Variants in RABEP1 observed in about 807,000 individuals in gnomAD.
The protein encoded by RABEP1 is rab GTPase-binding effector protein 1.
Under a neutral mutation model 123.4 loss-of-function variants are expected in RABEP1, and 51 were observed. That is an observed-to-expected ratio of 0.41 (90% CI 0.33 to 0.52). RABEP1 has a LOEUF of 0.52. RABEP1 is among the 20% of genes least tolerant of loss of function. The probability of loss-of-function intolerance (pLI) is 0.16; values close to 1 mark genes in which losing one functional copy is unlikely to be tolerated. For missense variants in RABEP1, 888 were observed against 996.3 expected (o/e 0.89, Z 1.46); for synonymous variants, 347 against 355.2 (o/e 0.98, Z 0.26).
intron 1 of RABEP1, among the ~76,000 whole-genome samples, chr17:5,293,434 G>A (rs191750144): frequency 6.6e-6 from 1 of 152,028 alleles, no homozygotes; most frequent in Admixed American, 6.6e-5. Context: ...GGCTTTTGGG[G>A]TAATTTATTT....
At chr17:5,293,579 G>A (rs769055075) in intron 1 of RABEP1, among the ~76,000 whole-genome samples, 1 of 151,996 alleles carries the variant, frequency 6.6e-6, no homozygotes, top group Non-Finnish European at 1.5e-5. Flanking sequence ...GGTAATTTTT[G>A]TATTTTTTGT....
chr17:5,376,083 C>A (rs1055299493), intron 13 of RABEP1, among the ~76,000 whole-genome samples: 1 of 152,112 alleles, frequency 6.6e-6, no homozygotes, highest in African/African-American at 2.4e-5. Flanking sequence ...TCAAGGAATC[C>A]GCCTTCCTCG....
intron 8 of RABEP1, 84 bp downstream of exon 8, chr17:5,354,574 C>A: frequency 7.6e-7 from 1 of 1,312,614 alleles, no homozygotes; most frequent in South Asian, 1.6e-5. Flanking sequence ...TTACATTGTT[C>A]ATATGAGAAG....
chr17:5,299,891 G>A (rs1227346500), intron 1 of RABEP1, among the ~76,000 whole-genome samples: 12 of 151,320 alleles, frequency 7.9e-5, no homozygotes, highest in East Asian at 5.8e-4. Context: ...CACCATGCCC[G>A]GCTAATTTTT....
intron 1 of RABEP1, among the ~76,000 whole-genome samples, chr17:5,305,165 C>T (rs111503106): frequency 6.6e-6 from 1 of 152,068 alleles, no homozygotes; most frequent in African/African-American, 2.4e-5. Context: ...GAGAGTGAAT[C>T]GATTTGTCTC....
chr17:5,372,368 C>T (rs117300640), intron 12 of RABEP1, among the ~76,000 whole-genome samples: 7,011 of 152,110 alleles, frequency 0.046, 234 homozygotes, highest in South Asian at 0.083. Context: ...TCACTTGAAC[C>T]GGGACTCGGG....
At chr17:5,382,954 AC>A (rs1266417054) in intron 17 of RABEP1, among the ~76,000 whole-genome samples, 167 bp from the exon 18 acceptor site, 1 of 151,980 alleles carries the variant, frequency 6.6e-6, no homozygotes, top group East Asian at 1.9e-4. Flanking sequence ...AGTCCGTTAC[AC>A]GGTAGCTTTG....
intron 11 of RABEP1, among the ~76,000 whole-genome samples, 195 bp from the exon 12 acceptor site, chr17:5,368,175 G>C (rs1044133517): frequency 7.9e-5 from 12 of 152,032 alleles, no homozygotes; most frequent in Non-Finnish European, 1.5e-5. Flanking sequence ...CTCGGGTTTT[G>C]GCACTGCCTT....
At chr17:5,283,398 A>G (rs2074947798) in intron 1 of RABEP1, among the ~76,000 whole-genome samples, 1 of 152,170 alleles carries the variant, frequency 6.6e-6, no homozygotes, top group African/African-American at 2.4e-5. Flanking sequence ...TGGTTGTCAG[A>G]GCCCTTCGTG....
At chr17:5,318,391 AGTT>A (rs769500396) in intron 2 of RABEP1, among the ~76,000 whole-genome samples, 15 of 152,194 alleles carry the variant, frequency 9.9e-5, no homozygotes, top group Non-Finnish European at 2.2e-4. Context: ...ATCTCAATGA[AGTT>A]GTTACAAAAA....
At chr17:5,341,677 G>A (rs1373453965) in intron 5 of RABEP1, among the ~76,000 whole-genome samples, 2 of 152,200 alleles carry the variant, frequency 1.3e-5, no homozygotes, top group Non-Finnish European at 2.9e-5. Flanking sequence ...TTATAGATCT[G>A]TCTCAGGAAT....
In RABEP1 at chr17:5,372,841, C is replaced by T. The variant is rs141033021; in HGVS notation, c.1885-473C>T. Among the ~76,000 whole-genome samples, 1,504 of 152,202 alleles carry T rather than the reference C, an allele frequency of 9.9e-3. 4 individuals carry two copies. Among genetic ancestry groups the T allele is most frequent in the Middle Eastern group, 0.017 (5 of 294 alleles). On this transcript the variant is annotated intron_variant, in intron 12 of 17. Transcript: ENST00000537505. The stretch of plus-strand genomic sequence containing the variant: ...TGCAATCTCGGCTCACTGCAACCTC[C>T]GCCTCCTGGGTTCAAGCGATTCTCC...
intron 11 of RABEP1, among the ~76,000 whole-genome samples, chr17:5,366,919 G>A (rs1910044439): frequency 1.3e-5 from 2 of 151,326 alleles, no homozygotes; most frequent in South Asian, 4.2e-4. Flanking sequence ...GAGAAACCCT[G>A]TCTCTACTAA....
intron 3 of RABEP1, among the ~76,000 whole-genome samples, chr17:5,334,493 A>C (rs1353378568): frequency 6.6e-6 from 1 of 151,994 alleles, no homozygotes; most frequent in African/African-American, 2.4e-5. Flanking sequence ...CGGCCTCCCA[A>C]AGTGCTGGGA....
chr17:5,359,104 C>T (rs553849314), intron 8 of RABEP1, among the ~76,000 whole-genome samples: 11 of 148,218 alleles, frequency 7.4e-5, no homozygotes, highest in East Asian at 4.0e-4. Flanking sequence ...GACGGAGTCT[C>T]GCTCTGTTGC....
intron 1 of RABEP1, among the ~76,000 whole-genome samples, chr17:5,304,254 C>T (rs1482707927): frequency 6.6e-6 from 1 of 151,858 alleles, no homozygotes; most frequent in Non-Finnish European, 1.5e-5. Context: ...GTGACATAGT[C>T]ATTTTTCCCT....
chr17:5,328,971 G>A (rs1906248135), intron 2 of RABEP1, among the ~76,000 whole-genome samples: 1 of 145,106 alleles, frequency 6.9e-6, no homozygotes. Flanking sequence ...ACCAAATGAA[G>A]TACTTGAATC....
At chr17:5,292,187 G>A (rs1005285010) in intron 1 of RABEP1, among the ~76,000 whole-genome samples, 1 of 152,194 alleles carries the variant, frequency 6.6e-6, no homozygotes, top group Non-Finnish European at 1.5e-5. Flanking sequence ...TCAACGTGAA[G>A]TATAGACTTA....
intron 6 of RABEP1, among the ~76,000 whole-genome samples, chr17:5,349,909 T>G (rs987624715): frequency 6.6e-6 from 1 of 152,182 alleles, no homozygotes; most frequent in Non-Finnish European, 1.5e-5. Context: ...ACTTGAAGTT[T>G]CTAAGACTTA....
Sources: allele counts gnomAD v4.1 joint callset (sites outside exome capture counted in the v4.1 genomes callset), GRCh38; gene constraint gnomAD v4.1.1; transcripts MANE v1.5; gene names NCBI Gene and HGNC (gene_info 2026-07-23, HGNC 2026-07-21).